Variants in STARD8 observed in about 807,000 individuals in gnomAD.
STARD8 encodes the protein stAR-related lipid transfer protein 8.
Under a neutral mutation model 69.4 loss-of-function variants are expected in STARD8, and 25 were observed. The observed-to-expected ratio is 0.36, with a 90% CI of 0.26 to 0.50. STARD8 has a LOEUF of 0.50. Among genes scored for constraint, STARD8 ranks in the 20% least tolerant of loss-of-function variants. The pLI is 0.96. For missense variants in STARD8, 921 were observed against 932.5 expected, an observed-to-expected ratio of 0.99 and a Z score of 0.16; for synonymous variants, 389 against 374.6, an observed-to-expected ratio of 1.04 and a Z score of -0.45.
rs372475852 is a variant in STARD8, at chrX:68,723,710, C to G, written c.2884C>G (p.Arg962Gly). Residue 962 changes from arginine (R) to glycine (G), a missense_variant, in exon 13 of 15, where the codon CGG becomes GGG. Coordinates refer to ENST00000374599, the MANE Select transcript of STARD8 (RefSeq NM_001142503.3). ...AGCTGTGGTGCTGCATCGTGTTCTC[C>G]GGGAGCGGGCCCTCTGGGATGAGGA... ...PPAVVLHRVL[R>G]ERALWDEDLL... is the part of the protein sequence containing the mutation. 2 of 1,194,534 alleles carry G rather than the reference C, an allele frequency of 1.7e-6. No homozygotes were observed. The highest frequency in any genetic ancestry group is 4.5e-5 in the Admixed American group (2 of 44,069).
At chrX:68,649,393 C>T (rs2079533741) in intron 1 of STARD8, among the ~76,000 whole-genome samples, 1 of 109,390 alleles carries the variant, frequency 9.1e-6, no homozygotes, top group Non-Finnish European at 1.9e-5. Flanking sequence ...GAAGCAGAGA[C>T]TACTTCCCAA....
intron 1 of STARD8, among the ~76,000 whole-genome samples, chrX:68,658,179 A>G: frequency 8.9e-6 from 1 of 112,165 alleles, no homozygotes. Context: ...TAGAGCACAT[A>G]CTATGTGGTG....
chrX:68,709,308 G>C lies in STARD8; in HGVS notation c.80-3606G>C, dbSNP rs187973437. Among the ~76,000 whole-genome samples, 694 of 112,389 alleles carry C rather than the reference G, an allele frequency of 6.2e-3. 26 individuals are homozygous for C. Among genetic ancestry groups the C allele is most frequent in the Admixed American group, 0.059 (624 of 10,630 alleles). On this transcript the variant is annotated intron_variant, in intron 2 of 14. Transcript: ENST00000374599. ...CCTCACTTCCCCCAGCCATTTGGCT[G>C]CAATTCTGACAGTGGTCTGGGCAAA...
chrX:68,689,547 A>C (rs1390979951), intron 2 of STARD8, among the ~76,000 whole-genome samples: 1 of 112,444 alleles, frequency 8.9e-6, no homozygotes, highest in East Asian at 2.8e-4. Context: ...ATCCAGCTCC[A>C]CCTGCCCAGT....
At chrX:68,655,751 A>G (rs2079607316) in intron 1 of STARD8, among the ~76,000 whole-genome samples, 1 of 111,659 alleles carries the variant, frequency 9.0e-6, no homozygotes, top group Non-Finnish European at 1.9e-5. Context: ...GGAGCACTGG[A>G]CACAGAGTGA....
chrX:68,723,956 C>T lies in STARD8; in HGVS notation c.3029C>T (p.Ser1010Phe). 1 of 1,212,019 alleles carries T rather than the reference C, an allele frequency of 8.3e-7. No homozygotes were observed. Among genetic ancestry groups the T allele is most frequent in the Non-Finnish European group, 1.1e-6 (1 of 895,514 alleles). The part of the protein sequence containing the change: ...RDFVVLRMWR[S>F]DLPRGGCLLV... The stretch of plus-strand genomic sequence containing the variant: ...CCCTTCTCCAATAGGATGTGGCGCT[C>T]TGACCTGCCTCGTGGGGGTTGCCTG... The change falls in exon 14 of 15, where the codon TCT becomes TTT. Residue 1010 changes from serine (S) to phenylalanine (F), a missense_variant. Ser to Phe is a radical substitution (Grantham distance 155). Coordinates refer to ENST00000374599, the MANE Select transcript of STARD8 (RefSeq NM_001142503.3).
intron 2 of STARD8, among the ~76,000 whole-genome samples, chrX:68,710,606 G>A (rs1483677102): frequency 8.9e-6 from 1 of 112,033 alleles, no homozygotes. Flanking sequence ...CCCCCAGCTA[G>A]GGCCAATGCC....
chrX:68,688,015 G>A (rs2079846186), intron 2 of STARD8, among the ~76,000 whole-genome samples: 1 of 112,899 alleles, frequency 8.9e-6, no homozygotes, highest in Non-Finnish European at 1.9e-5. Flanking sequence ...GCACAGACAA[G>A]GTCTGGGTAA....
intron 2 of STARD8, among the ~76,000 whole-genome samples, chrX:68,685,260 G>A (rs909063377): frequency 1.8e-5 from 2 of 111,720 alleles, no homozygotes; most frequent in African/African-American, 6.5e-5. Context: ...TTTTACAGAT[G>A]AGGAAACTGA....
intron 2 of STARD8, among the ~76,000 whole-genome samples, chrX:68,691,461 G>A (rs531334753): frequency 3.6e-5 from 4 of 111,861 alleles, no homozygotes; most frequent in African/African-American, 1.3e-4. Context: ...AAGGGGATGA[G>A]CTATCTTTGC....
chrX:68,722,897 G>A (rs750135064), intron 12 of STARD8, among the ~76,000 whole-genome samples: 5 of 112,859 alleles, frequency 4.4e-5, no homozygotes, highest in Non-Finnish European at 7.5e-5. Context: ...TTCCAGATAC[G>A]ATGCTGCTTT....
At chrX:68,653,166 CCACACACACACAA>C (rs1421801562) in intron 1 of STARD8, among the ~76,000 whole-genome samples, 1 of 18,453 alleles carries the variant, frequency 5.4e-5, no homozygotes, top group African/African-American at 2.2e-4. Flanking sequence ...AACACACACA[CCACACACACACAA>C]CACAGCACAC....
chrX:68,652,990 C>CA (rs2079566548), intron 1 of STARD8, among the ~76,000 whole-genome samples: 2 of 42,912 alleles, frequency 4.7e-5, no homozygotes, highest in Admixed American at 2.8e-4. Context: ...CACACACACA[C>CA]CACACACCAC....
intron 2 of STARD8, among the ~76,000 whole-genome samples, chrX:68,668,274 C>T (rs867972596): frequency 4.8e-4 from 32 of 66,745 alleles, no homozygotes; most frequent in Admixed American, 1.0e-3. Context: ...TTCTTTCTTT[C>T]TCTTTCTTTC....
chrX:68,661,967 TCTC>T (rs1569353759), intron 1 of STARD8, among the ~76,000 whole-genome samples: 74 of 74,533 alleles, frequency 9.9e-4, no homozygotes, highest in African/African-American at 6.1e-3. Context: ...TCTCTCTCTC[TCTC>T]TCTTTCTTTC....
Position 68,724,084 on chromosome X carries a change from C to T in STARD8, c.3157C>T (p.Arg1053Cys), listed in dbSNP as rs376807474. 11 of 1,210,126 alleles carry T rather than the reference C, an allele frequency of 9.1e-6. No individual in the cohort carries two copies. The highest frequency in any genetic ancestry group is 5.9e-5 in the East Asian group (2 of 33,727). ...QYLMEPCGLG[R>C]SRLTHICRAD... ...CCTCATGGAGCCTTGCGGCTTGGGCCGCTCTCGGCTCACACACATCTGCCG... is the reference window on the plus strand; with the variant it reads ...CCTCATGGAGCCTTGCGGCTTGGGCTGCTCTCGGCTCACACACATCTGCCG... The change falls in exon 14 of 15, where the codon CGC becomes TGC. Residue 1053 changes from arginine to cysteine, a missense_variant. By Grantham distance (180) the Arg-to-Cys change is radical. Transcript: ENST00000374599.
In STARD8 at chrX:68,717,919, G is replaced by T. The variant is rs1173649543; in HGVS notation, c.1005G>T (p.Arg335=). 1 of 1,208,784 alleles carries T rather than the reference G, an allele frequency of 8.3e-7. No individual in the cohort carries two copies. The highest frequency in any genetic ancestry group is 1.1e-6 in the Non-Finnish European group (1 of 894,029). The change falls in exon 6 of 15, where the codon CGG becomes CGT. Residue 335 remains arginine, a synonymous_variant. Coordinates refer to ENST00000374599, the MANE Select transcript of STARD8 (RefSeq NM_001142503.3). Reference sequence around the variant, plus strand: ...TGGCAGACTGGCAGCCAGGTAGGCGGTGGGGCTGTGAGGGGCGCCGGGGCT... The same window carrying T: ...TGGCAGACTGGCAGCCAGGTAGGCGTTGGGGCTGTGAGGGGCGCCGGGGCT... ...HRLADWQPGR[R]WGCEGRRGSC...
At chrX:68,653,412 CCACACCA>C (rs2079586212) in intron 1 of STARD8, among the ~76,000 whole-genome samples, 1 of 67,626 alleles carries the variant, frequency 1.5e-5, no homozygotes. Context: ...ACCACACACA[CCACACCA>C]CACACACCAC....
intron 10 of STARD8, 150 bp downstream of exon 10, chrX:68,721,896 T>A: frequency 1.3e-6 from 1 of 786,671 alleles, no homozygotes; most frequent in Non-Finnish European, 1.8e-6. Context: ...GCTGGTGGGA[T>A]GCTGTGGAGC....
Sources: gnomAD v4.1 joint callset for allele counts (sites outside exome capture counted in the v4.1 genomes callset) on GRCh38, gnomAD v4.1.1 for gene constraint, MANE v1.5 for transcripts, NCBI Gene and HGNC (gene_info 2026-07-23, HGNC 2026-07-21) for gene names.